Variants in CPZ observed in about 807,000 individuals in gnomAD.
CPZ encodes VEZT/CPZ fusion.
A neutral mutation model predicts 61.8 loss-of-function variants in CPZ; 103 were observed. The ratio of observed to expected loss-of-function variants is 1.67; its 90% CI spans 1.42 to 1.96. CPZ has a LOEUF of 1.96. Among genes scored for constraint, CPZ ranks in the 30% most tolerant of loss-of-function variants. CPZ has a pLI of 0.00. For missense variants in CPZ, 1,461 were observed against 914.9 expected (o/e 1.60, Z -7.70); for synonymous variants, 551 against 373.7 (o/e 1.47, Z -5.47).
At chr4:8,601,600 G>A in intron 3 of CPZ, 103 bp downstream of exon 3, 5 of 1,237,584 alleles carry the variant, frequency 4.0e-6, no homozygotes, top group Non-Finnish European at 5.4e-6. Flanking sequence ...CATCGACAGT[G>A]ACGGTGCAGG....
chr4:8,616,873 C>T (rs1447865916), intron 9 of CPZ, among the ~76,000 whole-genome samples: 1 of 152,208 alleles, frequency 6.6e-6, no homozygotes, highest in African/African-American at 2.4e-5. Flanking sequence ...GGGTGGGGGT[C>T]ACGAGCCCCA....
chr4:8,611,913 TCTC>T lies in CPZ; in HGVS notation c.1228-111_1228-109del, dbSNP rs1432134546. 2.8e-6 allele frequency: 4 copies of T among 1,433,466 alleles called. No homozygotes were observed. In the African/African-American group the frequency reaches 5.7e-5, roughly 20 times the overall value. 88.8% of individuals were successfully genotyped at this position (1,433,466 alleles called of 1,614,324 possible). On this transcript the variant is annotated intron_variant, in intron 7 of 10. Transcript: ENST00000360986. ...CTCCTACCTGCAGACACCATTCCCC[TCTC>T]CTATCTGCAATGCAGGTGTTTGCAC... is the stretch of plus-strand genomic sequence containing the variant.
intron 9 of CPZ, among the ~76,000 whole-genome samples, chr4:8,617,852 G>C (rs1005677784): frequency 6.6e-6 from 1 of 152,186 alleles, no homozygotes; most frequent in South Asian, 2.1e-4. Flanking sequence ...AGCTTTGGGA[G>C]GGCTTTCCAG....
chr4:8,611,306 C>G (rs763938729), intron 7 of CPZ: 1 of 455,852 alleles, frequency 2.2e-6, no homozygotes, highest in African/African-American at 2.0e-5. Flanking sequence ...AGAGCCCCCA[C>G]AAAGGAGGAT....
At chr4:8,593,438 C>T (rs1449841977) in intron 1 of CPZ, among the ~76,000 whole-genome samples, 1 of 152,142 alleles carries the variant, frequency 6.6e-6, no homozygotes, top group Non-Finnish European at 1.5e-5. Context: ...GGATCTGGGG[C>T]CCGGAGAGGG....
chr4:8,596,178 A>C (rs1714165055), intron 1 of CPZ, among the ~76,000 whole-genome samples: 1 of 152,022 alleles, frequency 6.6e-6, no homozygotes, highest in East Asian at 1.9e-4. Flanking sequence ...CAGCCTCCCG[A>C]GTAGCTGGGA....
chr4:8,592,871 T>C lies in CPZ; in HGVS notation c.38T>C (p.Leu13Pro). 6.5e-7 allele frequency: 1 copy of C among 1,533,430 alleles called. No homozygotes were observed. Among genetic ancestry groups the C allele is most frequent in the Non-Finnish European group, 8.7e-7 (1 of 1,143,784 alleles). 95.0% of individuals were successfully genotyped at this position (1,533,430 alleles called of 1,614,324 possible). A position where few individuals can be genotyped will look rare whatever the true frequency, so the allele number is the denominator to read the frequency against. Residue 13 changes from leucine (L) to proline (P), a missense_variant, in exon 1 of 11, where the codon CTG becomes CCG. Coordinates refer to ENST00000360986, the MANE Select transcript of CPZ (RefSeq NM_001014447.3). ...PPLPLLLLTVLVVAAARPGCE... is the reference protein window; with the variant it reads ...PPLPLLLLTVPVVAAARPGCE... ...CTGCCGCTGCTGCTCCTTACAGTCC[T>C]GGTCGTCGCCGCTGCCCGGCCGGGG...
intron 9 of CPZ, among the ~76,000 whole-genome samples, chr4:8,616,138 C>T (rs926970278): frequency 3.9e-5 from 6 of 152,194 alleles, no homozygotes; most frequent in East Asian, 1.9e-4. Flanking sequence ...CTGGGCAGCT[C>T]GCTGGCTGGC....
In CPZ at chr4:8,619,557, G is replaced by A. The variant is rs1716507779; in HGVS notation, c.1899G>A (p.Trp633Ter). ...CCTCGGCCGACGGGAGTAAGCCCTG[G>A]TGGTGGTCCTACTTCACATCGCTGA... ...RQPSADGSKP[W>*]WWSYFTSLST... is the part of the protein sequence containing the mutation. Residue 633 changes from tryptophan (W) to a stop codon, truncating the protein, a stop_gained, in exon 11 of 11, where the codon TGG (tryptophan) becomes TGA (stop). Transcript: ENST00000360986. LOFTEE classifies it high-confidence loss of function. 5 of 1,551,452 alleles carry A rather than the reference G, an allele frequency of 3.2e-6. No individual in the cohort carries two copies. The highest frequency in any genetic ancestry group is 2.5e-5 in the South Asian group (2 of 80,420).
Position 8,601,385 on chromosome 4 carries a change from C to A in CPZ, c.384C>A (p.Val128=). The A allele has an allele frequency of 6.3e-7, 1 of 1,598,772 alleles. No homozygotes were observed. The highest frequency in any genetic ancestry group is 8.5e-7 in the Non-Finnish European group (1 of 1,171,056). The part of the protein sequence containing the change: ...CRHICEGLRE[V]CQPAFDAIDM... ...ACATCTGCGAGGGCCTGCGGGAGGT[C>A]TGCCAGCCCGCCTTCGACGCCATTG... The change falls in exon 3 of 11, where the codon GTC becomes GTA. Residue 128 remains valine, a synonymous_variant. Transcript: ENST00000360986.
At chr4:8,596,967 A>G (rs3756174) in intron 1 of CPZ, among the ~76,000 whole-genome samples, 55,983 of 152,150 alleles carry the variant, frequency 0.37, 11,212 homozygotes, top group African/African-American at 0.52. Flanking sequence ...GGTTCACCCA[A>G]GCTCGCCAGC....
chr4:8,617,878 G>A (rs566109108), intron 9 of CPZ, among the ~76,000 whole-genome samples: 5 of 152,328 alleles, frequency 3.3e-5, no homozygotes, highest in South Asian at 4.1e-4. Flanking sequence ...AAACGTTGGA[G>A]CTGTGGGCGT....
At chr4:8,598,658 C>G (rs1358232510) in intron 1 of CPZ, among the ~76,000 whole-genome samples, 2 of 152,228 alleles carry the variant, frequency 1.3e-5, no homozygotes, top group East Asian at 3.9e-4. Flanking sequence ...GGTTTTAAAT[C>G]TGATGCCGGG....
chr4:8,607,446 G>C, intron 7 of CPZ, 21 bp downstream of exon 7: 3 of 1,612,006 alleles, frequency 1.9e-6, no homozygotes, highest in Non-Finnish European at 2.5e-6. Context: ...TGTCGGGTGT[G>C]TGCAGGGGAG....
intron 9 of CPZ, among the ~76,000 whole-genome samples, chr4:8,616,031 G>C (rs10755199): frequency 0.1 from 15,442 of 152,258 alleles, 1,012 homozygotes; most frequent in South Asian, 0.17. Context: ...ATGAACATGA[G>C]GTTGAAGGAG....
intron 7 of CPZ, chr4:8,611,087 T>TTCACTCACTCACTCAC: frequency 1.8e-5 from 7 of 391,656 alleles, no homozygotes; most frequent in South Asian, 1.2e-4. Flanking sequence ...CATTCGCTCA[T>TTCACTCACTCACTCAC]TCACTCACTC....
At position 8,608,975 on chromosome 4, in the gene CPZ, C is replaced by T. The variant is rs191720487; in HGVS notation, c.1227+1550C>T. Among the ~76,000 whole-genome samples the T allele has an allele frequency of 2.4e-3, 321 of 135,366 alleles. 4 individuals are homozygous for T. The highest frequency in any genetic ancestry group is 8.3e-3 in the African/African-American group (315 of 37,950). 88.8% of individuals were successfully genotyped at this position (135,366 alleles called of 152,430 possible). ...CCGGCGCATTTGTCCTGCATTTGTT[C>T]ATTCTTCCACCCATTCACTCTTTCA... On this transcript the variant is annotated intron_variant, in intron 7 of 10. Coordinates refer to ENST00000360986, the MANE Select transcript of CPZ (RefSeq NM_001014447.3).
intron 3 of CPZ, 109 bp downstream of exon 3, chr4:8,601,606 G>T: frequency 8.2e-7 from 1 of 1,212,188 alleles, no homozygotes; most frequent in South Asian, 1.8e-5. Flanking sequence ...CAGTGACGGT[G>T]CAGGCATTGG....
At chr4:8,619,008 G>C (rs976526218) in intron 10 of CPZ, among the ~76,000 whole-genome samples, 1 of 152,150 alleles carries the variant, frequency 6.6e-6, no homozygotes, top group African/African-American at 2.4e-5. Flanking sequence ...TGCTAACTGT[G>C]GGGTGGGTAT....
Sources: allele counts gnomAD v4.1 joint callset (sites outside exome capture counted in the v4.1 genomes callset), GRCh38; gene constraint gnomAD v4.1.1; transcripts MANE v1.5; gene names NCBI Gene and HGNC (gene_info 2026-07-23, HGNC 2026-07-21).